Variants in JAKMIP3 observed in about 807,000 individuals in gnomAD.
JAKMIP3 encodes the protein Janus kinase and microtubule interacting protein 3.
Under a neutral mutation model 118.5 loss-of-function variants are expected in JAKMIP3, and 58 were observed. The ratio of observed to expected loss-of-function variants is 0.49; its 90% confidence interval spans 0.40 to 0.61. The LOEUF (loss-of-function observed/expected upper bound fraction) is 0.61. Among genes scored for constraint, JAKMIP3 ranks in the 20% least tolerant of loss-of-function variants. JAKMIP3 has a pLI of 0.00. For missense variants in JAKMIP3, 950 were observed against 1,109.0 expected (o/e 0.86, Z 2.04); for synonymous variants, 486 against 451.2 (o/e 1.08, Z -0.98).
At chr10:132,095,719 G>T (rs2043764969) in intron 1 of JAKMIP3, among the ~76,000 whole-genome samples, 1 of 152,216 alleles carries the variant, frequency 6.6e-6, no homozygotes, top group Non-Finnish European at 1.5e-5. Flanking sequence ...CTGCAATCTG[G>T]TTCTGCCTGC....
intron 6 of JAKMIP3, 69 bp from the exon 7 acceptor site, chr10:132,136,950 G>GC: frequency 6.5e-7 from 1 of 1,538,684 alleles, no homozygotes; most frequent in South Asian, 1.3e-5. Context: ...AGACCCCCCC[G>GC]CCGACCCACT....
chr10:132,173,909 G>A (rs1159848981), intron 23 of JAKMIP3, among the ~76,000 whole-genome samples: 1 of 51,078 alleles, frequency 2.0e-5, no homozygotes, highest in Non-Finnish European at 4.4e-5. Flanking sequence ...GTGGTGGTGT[G>A]TGGTGGCCTG....
At chr10:132,087,558 G>T (rs1042001371) in intron 1 of JAKMIP3, among the ~76,000 whole-genome samples, 4 of 151,888 alleles carry the variant, frequency 2.6e-5, no homozygotes, top group African/African-American at 9.7e-5. Context: ...ATATTTTCTT[G>T]TTCTTTTTTC....
intron 4 of JAKMIP3, among the ~76,000 whole-genome samples, chr10:132,133,983 C>T (rs540605925): frequency 2.8e-4 from 42 of 152,322 alleles, no homozygotes; most frequent in African/African-American, 8.4e-4. Flanking sequence ...GGGTGATTTC[C>T]GGCACTCTCA....
chr10:132,057,734 G>A (rs943051814), intron 1 of JAKMIP3, among the ~76,000 whole-genome samples: 1 of 152,200 alleles, frequency 6.6e-6, no homozygotes, highest in Non-Finnish European at 1.5e-5. Context: ...GGTGCTCAGG[G>A]CTGAAACGAA....
chr10:132,078,530 C>A (rs925747021), intron 1 of JAKMIP3, among the ~76,000 whole-genome samples: 18 of 148,038 alleles, frequency 1.2e-4, no homozygotes, highest in Non-Finnish European at 1.5e-5. Flanking sequence ...TCCATAGATT[C>A]ATTTCTCCTC....
rs142384052 is a variant in JAKMIP3 at position 132,102,473 on chromosome 10, G to A, written c.-137-2199G>A. Among the ~76,000 whole-genome samples, 228 of 152,234 alleles carry A rather than the reference G, an allele frequency of 1.5e-3. 1 individual carries two copies. The highest frequency in any genetic ancestry group is 5.3e-3 in the African/African-American group (219 of 41,538). The stretch of plus-strand genomic sequence containing the variant: ...CCCGAGCCTGGTCCCTCCAGTCCCC[G>A]TCTCACACGTGCAGAGCTGACATCC... On this transcript the variant is annotated intron_variant, in intron 1 of 23. Transcript: ENST00000684848.
upstream of JAKMIP3, among the ~76,000 whole-genome samples, chr10:132,060,356 G>A (rs2038357120): frequency 6.6e-6 from 1 of 152,202 alleles, no homozygotes; most frequent in Non-Finnish European, 1.5e-5. Context: ...GGCACAGGCA[G>A]GCTCTGAAGA....
intron 2 of JAKMIP3, among the ~76,000 whole-genome samples, chr10:132,114,303 C>T (rs141132704): frequency 0.011 from 1,738 of 152,328 alleles, 40 homozygotes; most frequent in African/African-American, 0.039. Flanking sequence ...GCAGCCTCTA[C>T]CCCCCGGCTC....
chr10:132,080,310 T>C (rs549607095), intron 1 of JAKMIP3, among the ~76,000 whole-genome samples: 31 of 152,246 alleles, frequency 2.0e-4, no homozygotes, highest in Admixed American at 2.6e-4. Context: ...TGGTTTTTGA[T>C]CATAGCCATC....
intron 16 of JAKMIP3, 55 bp from the exon 17 acceptor site, chr10:132,152,903 C>T (rs2056464972): frequency 1.4e-6 from 2 of 1,418,594 alleles, no homozygotes; most frequent in Non-Finnish European, 2.0e-6. Context: ...ATCACTCACC[C>T]TCACCCCCAA....
At chr10:132,147,817 G>T in intron 13 of JAKMIP3, 135 bp from the exon 14 acceptor site, 2 of 605,790 alleles carry the variant, frequency 3.3e-6, no homozygotes, top group Non-Finnish European at 5.8e-6. Context: ...GCTGTGAGGC[G>T]CTTCCAGGGC....
At chr10:132,062,712 A>C (rs2038437848), upstream of JAKMIP3, among the ~76,000 whole-genome samples, 1 of 152,234 alleles carries the variant, frequency 6.6e-6, no homozygotes, top group Non-Finnish European at 1.5e-5. Context: ...ATGCATGGGA[A>C]TAAAAAAACA....
intron 17 of JAKMIP3, among the ~76,000 whole-genome samples, chr10:132,153,381 C>A (rs961412904): frequency 6.6e-6 from 1 of 152,240 alleles, no homozygotes; most frequent in African/African-American, 2.4e-5. Flanking sequence ...CTAGCCCTGA[C>A]CTGCCTGGTG....
In JAKMIP3 at chr10:132,180,788, T is replaced by TGTGTGTGTGCGCGCGC. The variant is rs1491365450; in HGVS notation, c.*1104-1569_*1104-1568insGTGTGTGTGCGCGCGC. ...GTGTGTGCGTGTGTGTGTGTGCGCG[T>TGTGTGTGTGCGCGCGC]ATGCATGTGCTGTGAGTGGTGTGTT... is the stretch of plus-strand genomic sequence containing the variant. On this transcript the variant is annotated intron_variant, in intron 23 of 23. Coordinates refer to ENST00000684848, the MANE Select transcript of JAKMIP3 (RefSeq NM_001323087.2). 5.6e-4 allele frequency among the ~76,000 whole-genome samples: 6 copies of TGTGTGTGTGCGCGCGC among 10,726 alleles called. 2 individuals are homozygous for TGTGTGTGTGCGCGCGC. The highest frequency in any genetic ancestry group is 2.1e-3 in the African/African-American group (6 of 2,906). The allele number at this position is 10,726 out of a possible 152,430, so 7.0% of individuals were successfully genotyped here. A position where few individuals can be genotyped will look rare whatever the true frequency, so the allele number is the denominator to read the frequency against.
At position 132,168,609 on chromosome 10, in the gene JAKMIP3, C is replaced by A. The variant is rs1008553650; in HGVS notation, c.*679C>A. ...CAAGAGCCGTGGCCGCCGCGGGCCG[C>A]GTGGTGCCATCAACCCTCTGCCTCC... On this transcript the variant is annotated 3_prime_UTR_variant, in exon 23 of 24. Coordinates refer to ENST00000684848, the MANE Select transcript of JAKMIP3 (RefSeq NM_001323087.2). 5.7e-6 allele frequency: 2 copies of A among 353,850 alleles called. No individual in the cohort carries two copies. The highest frequency in any genetic ancestry group is 1.1e-5 in the Non-Finnish European group (2 of 183,158). The allele number at this position is 353,850 out of a possible 1,614,324, so 21.9% of individuals were successfully genotyped here.
rs146243041 is a variant in JAKMIP3, at chr10:132,100,319, G to A, written c.-137-4353G>A. On this transcript the variant is annotated intron_variant, in intron 1 of 23. Coordinates refer to ENST00000684848, the MANE Select transcript of JAKMIP3 (RefSeq NM_001323087.2). ...TGGGGCCGAGCCCTTGGCATGAGCC[G>A]GCTGGACCTCCCGCATGGCTGAAGC... Among the ~76,000 whole-genome samples the A allele has an allele frequency of 5.1e-3, 776 of 152,282 alleles. 6 individuals carry two copies. Among genetic ancestry groups the A allele is most frequent in the Non-Finnish European group, 7.5e-3 (510 of 68,008 alleles).
At chr10:132,131,765 A>G (rs979904030) in intron 3 of JAKMIP3, among the ~76,000 whole-genome samples, 1 of 151,986 alleles carries the variant, frequency 6.6e-6, no homozygotes, top group Admixed American at 6.5e-5. Context: ...GAGCCCTCTC[A>G]GTCCGGAACC....
intron 1 of JAKMIP3, among the ~76,000 whole-genome samples, chr10:132,043,081 A>G (rs1198846470): frequency 6.6e-6 from 1 of 152,146 alleles, no homozygotes; most frequent in East Asian, 1.9e-4. Context: ...GCAACAGAGC[A>G]AGATCCTCTC....
Sources: gnomAD v4.1 joint callset for allele counts (sites outside exome capture counted in the v4.1 genomes callset) on GRCh38, gnomAD v4.1.1 for gene constraint, MANE v1.5 for transcripts, NCBI Gene and HGNC (gene_info 2026-07-23, HGNC 2026-07-21) for gene names.